Variants in TRPM3 observed in about 807,000 individuals in gnomAD.
TRPM3 encodes the protein transient receptor potential cation channel subfamily M member 3.
A neutral mutation model predicts 181.2 loss-of-function variants in TRPM3; 77 were observed. The observed-to-expected ratio is 0.42, with a 90% CI of 0.35 to 0.51. The LOEUF is 0.51. Among genes scored for constraint, TRPM3 ranks in the 20% least tolerant of loss-of-function variants. TRPM3 has a pLI of 0.01. For synonymous variants in TRPM3, 745 were observed against 796.4 expected (o/e 0.94, Z 1.09); for missense variants, 1,759 against 2,196.7 (o/e 0.80, Z 3.98).
intron 1 of TRPM3, among the ~76,000 whole-genome samples, chr9:71,097,458 G>A (rs1315825533): frequency 6.6e-6 from 1 of 151,966 alleles, no homozygotes; most frequent in African/African-American, 2.4e-5. Context: ...ATTTATATGT[G>A]AAAATATACG....
At chr9:71,040,511 A>G (rs1345378592) in intron 1 of TRPM3, among the ~76,000 whole-genome samples, 1 of 152,238 alleles carries the variant, frequency 6.6e-6, no homozygotes, top group East Asian at 1.9e-4. Flanking sequence ...CACATAGAGT[A>G]GCATCTCTTT....
intron 1 of TRPM3, among the ~76,000 whole-genome samples, chr9:71,439,056 T>C (rs936217487): frequency 4.6e-5 from 7 of 152,210 alleles, no homozygotes; most frequent in Non-Finnish European, 1.0e-4. Flanking sequence ...GATTTTATAT[T>C]TTAGCCCCAA....
At chr9:70,898,223 C>A (rs1372087431) in intron 1 of TRPM3, among the ~76,000 whole-genome samples, 1 of 150,844 alleles carries the variant, frequency 6.6e-6, no homozygotes, top group Non-Finnish European at 1.5e-5. Flanking sequence ...CCCGGGTTCA[C>A]GCCATTCTCC....
At chr9:70,946,234 G>GACTC (rs1398826759) in intron 1 of TRPM3, among the ~76,000 whole-genome samples, 1 of 151,890 alleles carries the variant, frequency 6.6e-6, no homozygotes, top group East Asian at 1.9e-4. Flanking sequence ...TGAACTCCTG[G>GACTC]ACTCAAGTGA....
chr9:71,250,743 G>A lies in TRPM3; in HGVS notation c.183+195910C>T, dbSNP rs184800407. On this transcript the variant is annotated intron_variant, in intron 1 of 24. Transcript: ENST00000357533. Reference sequence around the variant, plus strand: ...TAAGAAGGGCAGGGGGCAGGAGCCAGAAGCAGAGGGATCAGGATTGCAGGT... The same window carrying A: ...TAAGAAGGGCAGGGGGCAGGAGCCAAAAGCAGAGGGATCAGGATTGCAGGT... 3.4e-3 allele frequency among the ~76,000 whole-genome samples: 521 copies of A among 152,266 alleles called. 2 individuals carry two copies. The highest frequency in any genetic ancestry group is 0.024 in the Middle Eastern group (7 of 294).
intron 6 of TRPM3, 163 bp downstream of exon 6, chr9:70,827,684 T>A: frequency 1.3e-6 from 1 of 774,818 alleles, no homozygotes; most frequent in Non-Finnish European, 2.0e-6. Flanking sequence ...ATTGTTCTCC[T>A]CTGGATGGCT....
intron 5 of TRPM3, among the ~76,000 whole-genome samples, chr9:70,837,749 C>T (rs2094412997): frequency 6.6e-6 from 1 of 152,136 alleles, no homozygotes; most frequent in African/African-American, 2.4e-5. Context: ...GGTCAAGATT[C>T]TCTAGGGACA....
intron 1 of TRPM3, among the ~76,000 whole-genome samples, chr9:71,066,577 G>A (rs1327040761): frequency 6.6e-6 from 1 of 152,190 alleles, no homozygotes; most frequent in Non-Finnish European, 1.5e-5. Flanking sequence ...TTAGAACAGA[G>A]AGGGCCTCTG....
upstream of TRPM3, among the ~76,000 whole-genome samples, chr9:71,123,936 A>G (rs1429227273): frequency 6.6e-6 from 1 of 152,196 alleles, no homozygotes; most frequent in East Asian, 1.9e-4. Context: ...ATCATTCTGA[A>G]AACACATGGC....
intron 17 of TRPM3, 71 bp from the exon 18 acceptor site, chr9:70,616,146 CAGAG>C (rs2062741504): frequency 2.4e-6 from 3 of 1,254,106 alleles, no homozygotes; most frequent in Non-Finnish European, 2.2e-6. Context: ...TGTTTAGAAT[CAGAG>C]AGCCTGAGGT....
At chr9:71,199,226 C>T (rs1044937309) in intron 1 of TRPM3, among the ~76,000 whole-genome samples, 6 of 151,204 alleles carry the variant, frequency 4.0e-5, no homozygotes, top group African/African-American at 1.5e-4. Context: ...ATGAAGCCCA[C>T]TTGATCATGG....
chr9:71,304,512 T>G (rs1369962346), intron 1 of TRPM3, among the ~76,000 whole-genome samples: 1 of 152,170 alleles, frequency 6.6e-6, no homozygotes. Context: ...ATCAAAGAAA[T>G]CCAACCTAGC....
intron 1 of TRPM3, among the ~76,000 whole-genome samples, chr9:70,938,513 C>G: frequency 6.6e-6 from 1 of 152,098 alleles, no homozygotes; most frequent in East Asian, 1.9e-4. Flanking sequence ...TCTCAGTCCT[C>G]TTTGCAGATT....
intron 1 of TRPM3, among the ~76,000 whole-genome samples, chr9:70,918,609 A>C: frequency 6.6e-6 from 1 of 152,214 alleles, no homozygotes. Context: ...TGTGGGATAC[A>C]GCAAAAGCAG....
At chr9:71,442,590 A>G (rs2094149574) in intron 1 of TRPM3, among the ~76,000 whole-genome samples, 1 of 152,254 alleles carries the variant, frequency 6.6e-6, no homozygotes, top group African/African-American at 2.4e-5. Context: ...AAAATAAATA[A>G]GTAAAGATAA....
intron 1 of TRPM3, among the ~76,000 whole-genome samples, chr9:71,262,608 G>T (rs965327190): frequency 6.6e-6 from 1 of 152,220 alleles, no homozygotes; most frequent in Non-Finnish European, 1.5e-5. Context: ...CTAGCTCAGT[G>T]TCTGCCCAAA....
intron 5 of TRPM3, among the ~76,000 whole-genome samples, chr9:70,840,236 A>T (rs2094553674): frequency 6.6e-6 from 1 of 152,190 alleles, no homozygotes; most frequent in Admixed American, 6.6e-5. Flanking sequence ...GAGCCTGAGA[A>T]ATCTTAGGTA....
chr9:71,327,483 A>G (rs1038641538), intron 1 of TRPM3, among the ~76,000 whole-genome samples: 1 of 152,152 alleles, frequency 6.6e-6, no homozygotes, highest in Non-Finnish European at 1.5e-5. Context: ...TATGAGTCCC[A>G]TTGAGAGCCT....
chr9:70,598,911 G>A (rs2059435499), intron 20 of TRPM3, among the ~76,000 whole-genome samples: 1 of 152,166 alleles, frequency 6.6e-6, no homozygotes, highest in Admixed American at 6.5e-5. Flanking sequence ...AAAATTCTAA[G>A]ACACACATAA....
Sources: allele counts gnomAD v4.1 joint callset (sites outside exome capture counted in the v4.1 genomes callset), GRCh38; gene constraint gnomAD v4.1.1; transcripts MANE v1.5; gene names NCBI Gene and HGNC (gene_info 2026-07-23, HGNC 2026-07-21).